Variants in MPHOSPH9 observed in about 807,000 individuals in gnomAD.
MPHOSPH9 encodes M-phase phosphoprotein 9.
MPHOSPH9 carries 88 observed loss-of-function variants against 145.5 expected under a neutral mutation model. That is an observed-to-expected ratio of 0.60 (90% CI 0.51 to 0.72). The LOEUF is 0.72. MPHOSPH9 is among the 30% of genes least tolerant of loss of function. MPHOSPH9 has a pLI of 0.00. For synonymous variants in MPHOSPH9, 435 were observed against 486.2 expected, an observed-to-expected ratio of 0.89 and a Z score of 1.39; for missense variants, 1,238 against 1,386.6, an observed-to-expected ratio of 0.89 and a Z score of 1.70.
At chr12:123,168,182 C>A (rs12318389) in intron 16 of MPHOSPH9, among the ~76,000 whole-genome samples, 2,875 of 152,166 alleles carry the variant, frequency 0.019, 57 homozygotes, top group South Asian at 0.058. Context: ...CCACACCTGA[C>A]TGGCAGCAAA....
At chr12:123,217,496 C>T (rs1413974021) in intron 6 of MPHOSPH9, among the ~76,000 whole-genome samples, 1 of 151,864 alleles carries the variant, frequency 6.6e-6, no homozygotes, top group Non-Finnish European at 1.5e-5. Flanking sequence ...TTGGCCCAGC[C>T]TCAACTTTAA....
rs1330410434 is a variant in MPHOSPH9, at chr12:123,161,264, C to A, written c.3253G>T (p.Val1085Phe). ...VRTAWEKNKS[V>F]SYEQCKPVSV... Reference sequence around the variant, plus strand: ...ACCGGCTTACACTGTTCGTAGCTAACTGATTTATTCTTCTCCCAGGCTGTT... The same window carrying A: ...ACCGGCTTACACTGTTCGTAGCTAAATGATTTATTCTTCTCCCAGGCTGTT... Residue 1085 changes from valine to phenylalanine, a missense_variant, in exon 22 of 24, where the codon GTT becomes TTT. Around this residue, in one of 3 missense-constraint regions of MPHOSPH9, gnomAD observed 393 missense variants for 462.5 expected, o/e 0.85. Coordinates refer to ENST00000606320, the MANE Select transcript of MPHOSPH9 (RefSeq NM_022782.4). The A allele has an allele frequency of 6.2e-7, 1 of 1,614,134 alleles. No individual in the cohort carries two copies.
chr12:123,226,045 C>G (rs968816245), intron 3 of MPHOSPH9, among the ~76,000 whole-genome samples: 2 of 152,018 alleles, frequency 1.3e-5, no homozygotes, highest in African/African-American at 4.8e-5. Context: ...CAAAAACAAA[C>G]AAACAAATAA....
intron 13 of MPHOSPH9, 132 bp downstream of exon 13, chr12:123,194,254 G>T: frequency 1.6e-6 from 1 of 642,984 alleles, no homozygotes; most frequent in Non-Finnish European, 2.5e-6. Context: ...GGGTGTCAGA[G>T]TGAGACTCTG....
chr12:123,242,903 A>G (rs1377756780), intron 1 of MPHOSPH9, among the ~76,000 whole-genome samples: 1 of 152,210 alleles, frequency 6.6e-6, no homozygotes. Flanking sequence ...TGCGGGGCTC[A>G]TGTTCCATAA....
chr12:123,168,293 C>T (rs994161921), intron 16 of MPHOSPH9, among the ~76,000 whole-genome samples: 1 of 152,046 alleles, frequency 6.6e-6, no homozygotes, highest in East Asian at 1.9e-4. Flanking sequence ...CTCATCACCA[C>T]CTCAAGCGGA....
At chr12:123,230,157 T>G (rs1196101971) in intron 2 of MPHOSPH9, 104 bp downstream of exon 2, 1 of 685,422 alleles carries the variant, frequency 1.5e-6, no homozygotes, top group Non-Finnish European at 2.3e-6. Context: ...TAAAAAATAA[T>G]AATAATTCAA....
Position 123,218,410 on chromosome 12 carries a change from C to G in MPHOSPH9, c.962G>C (p.Gly321Ala). The G allele has an allele frequency of 1.2e-6, 2 of 1,614,072 alleles. No homozygotes were observed. Among genetic ancestry groups the G allele is most frequent in the Non-Finnish European group, 1.7e-6 (2 of 1,179,958 alleles). Residue 321 changes from glycine to alanine, a missense_variant, in exon 6 of 24, where the codon GGA (glycine) becomes GCA (alanine). By Grantham distance (60) the Gly-to-Ala change is moderately conservative (BLOSUM62 0). This residue lies in a region of MPHOSPH9 where 837 missense variants were observed against 897.5 expected (regional missense o/e 0.93). Coordinates refer to ENST00000606320, the MANE Select transcript of MPHOSPH9 (RefSeq NM_022782.4). ...VEDGGSRSKQ[G>A]NEQSKKTPIE... ...TGGTGTCTTCTTACTTTGCTCATTTCCTTGTTTAGATCTTGAACCTCCATC... is the reference window on the plus strand; with the variant it reads ...TGGTGTCTTCTTACTTTGCTCATTTGCTTGTTTAGATCTTGAACCTCCATC...
intron 16 of MPHOSPH9, among the ~76,000 whole-genome samples, chr12:123,171,924 C>T (rs1236831964): frequency 6.6e-6 from 1 of 152,184 alleles, no homozygotes; most frequent in East Asian, 1.9e-4. Context: ...CCTCTCCAAT[C>T]TCATTCGTTC....
intron 16 of MPHOSPH9, among the ~76,000 whole-genome samples, chr12:123,171,577 C>T (rs2044583172): frequency 6.6e-6 from 1 of 152,054 alleles, no homozygotes; most frequent in Admixed American, 6.6e-5. Flanking sequence ...GGCAAAACCC[C>T]ATCTCTACTA....
chr12:123,163,287 C>A, intron 19 of MPHOSPH9, 153 bp from the exon 20 acceptor site: 1 of 796,858 alleles, frequency 1.3e-6, no homozygotes, highest in South Asian at 2.2e-5. Context: ...AAAATAAAAT[C>A]ACTCATAATC....
rs746458631 is a variant in MPHOSPH9, at chr12:123,202,992, T to C, written c.1413A>G (p.Arg471=). ...GAACAGAGTCCGGGGAAAAGGATAT[T>C]CTGTCATCAAGGGCATTCGGAAGGC... The part of the protein sequence containing the change: ...PHGLPNALDD[R]ISFSPDSVLE... The change falls in exon 10 of 24, where the codon AGA becomes AGG. Residue 471 remains arginine (R), a synonymous_variant. Transcript: ENST00000606320. The C allele has an allele frequency of 3.1e-6, 5 of 1,614,170 alleles. No individual in the cohort carries two copies. In the East Asian group the frequency reaches 1.1e-4, roughly 36 times the overall value.
intron 3 of MPHOSPH9, among the ~76,000 whole-genome samples, chr12:123,225,224 A>G (rs1345446115): frequency 6.8e-6 from 1 of 148,024 alleles, no homozygotes; most frequent in African/African-American, 2.5e-5. Context: ...TGGGTGGATC[A>G]TTTGAGTTCA....
At chr12:123,192,230 G>A (rs1191919104) in intron 13 of MPHOSPH9, among the ~76,000 whole-genome samples, 1 of 151,956 alleles carries the variant, frequency 6.6e-6, no homozygotes, top group Non-Finnish European at 1.5e-5. Flanking sequence ...GAGGCAGGAG[G>A]AACGCTTGAG....
rs1435875368 is a variant in MPHOSPH9, at chr12:123,155,952, C to T, written c.*855G>A. On this transcript the variant is annotated 3_prime_UTR_variant, in exon 24 of 24. Transcript: ENST00000606320. The stretch of plus-strand genomic sequence containing the variant: ...GAAAGGGGTGAACATATCCAGATGA[C>T]AACTATGACGGACAGCTGAAGCCAT... 1 of 152,260 alleles carries T rather than the reference C, an allele frequency of 6.6e-6. No homozygotes were observed. The highest frequency in any genetic ancestry group is 2.4e-5 in the African/African-American group (1 of 41,440). The allele number at this position is 152,260 out of a possible 1,614,324, so 9.4% of individuals were successfully genotyped here. A position where few individuals can be genotyped will look rare whatever the true frequency, so the allele number is the denominator to read the frequency against.
chr12:123,227,348 T>C (rs886321868), intron 3 of MPHOSPH9, 115 bp downstream of exon 3: 12 of 757,560 alleles, frequency 1.6e-5, no homozygotes, highest in Non-Finnish European at 1.7e-5. Context: ...ACTTTAGCAT[T>C]AACTTAAAAG....
At chr12:123,166,837 T>TCAGACTG in intron 16 of MPHOSPH9, 48 bp from the exon 17 acceptor site, 1 of 1,582,862 alleles carries the variant, frequency 6.3e-7, no homozygotes, top group Non-Finnish European at 8.6e-7. Flanking sequence ...GCACTTCATT[T>TCAGACTG]CAGACTGCAT....
chr12:123,188,538 T>G (rs922682524), intron 13 of MPHOSPH9, among the ~76,000 whole-genome samples: 1 of 152,182 alleles, frequency 6.6e-6, no homozygotes, highest in African/African-American at 2.4e-5. Flanking sequence ...TATGCAGGAC[T>G]TTGGAATTGT....
Position 123,203,021 on chromosome 12 carries a change from G to T in MPHOSPH9, c.1384C>A (p.His462Asn). The T allele has an allele frequency of 6.2e-7, 1 of 1,614,214 alleles. No homozygotes were observed. The highest frequency in any genetic ancestry group is 8.5e-7 in the Non-Finnish European group (1 of 1,180,044). The change falls in exon 10 of 24, where the codon CAC becomes AAC. Residue 462 changes from histidine to asparagine, a missense_variant. By Grantham distance (68) the His-to-Asn change is moderately conservative. Around this residue, in one of 3 missense-constraint regions of MPHOSPH9, gnomAD observed 837 missense variants for 897.5 expected, o/e 0.93. Transcript: ENST00000606320. ...TCATCAAGGGCATTCGGAAGGCCGT[G>T]AGGTTGAATCCCTGAAATCTGCTGC... is the stretch of plus-strand genomic sequence containing the variant. The part of the protein sequence containing the change: ...PKQQISGIQP[H>N]GLPNALDDRI...
Sources: allele counts gnomAD v4.1 joint callset (sites outside exome capture counted in the v4.1 genomes callset), GRCh38; gene constraint gnomAD v4.1.1; regional missense constraint gnomAD v4.1.1; transcripts MANE v1.5; gene names NCBI Gene and HGNC (gene_info 2026-07-23, HGNC 2026-07-21).